The following STON2 variants were observed in gnomAD, a reference collection of about 807,000 sequenced individuals.
STON2 encodes stonin-2.
Under a neutral mutation model 65.7 loss-of-function variants are expected in STON2, and 29 were observed. The ratio of observed to expected loss-of-function variants is 0.44; its 90% CI spans 0.33 to 0.60. STON2 has a LOEUF of 0.60. Ranked by LOEUF, STON2 falls within the 20% of genes least tolerant of loss-of-function variation. The pLI is 0.03. For synonymous variants in STON2, 404 were observed against 414.2 expected (o/e 0.98, Z 0.30); for missense variants, 1,054 against 1,118.1 (o/e 0.94, Z 0.82).
intron 5 of STON2, among the ~76,000 whole-genome samples, chr14:81,322,423 T>C (rs1009077533): frequency 6.6e-6 from 1 of 152,228 alleles, no homozygotes; most frequent in African/African-American, 2.4e-5. Flanking sequence ...TCATGGTTCC[T>C]ACCCCCACTT....
At position 81,412,911 on chromosome 14, in the gene STON2, G is replaced by A. The variant is rs748087195; in HGVS notation, c.-199+14191C>T. The A allele has an allele frequency of 6.9e-5, 45 of 651,798 alleles. 5 individuals carry two copies. The highest frequency in any genetic ancestry group is 1.0e-4 in the Non-Finnish European group (40 of 385,294). The allele number at this position is 651,798 out of a possible 1,614,324, so 40.4% of individuals were successfully genotyped here. On this transcript the variant is annotated intron_variant, in intron 2 of 8. Transcript: ENST00000553821. ...GCGATGGCAGCTCCAGCCGGGCGAT[G>A]CTTAGCACCTCCCCAGGAGACCGTT... is the stretch of plus-strand genomic sequence containing the variant.
chr14:81,278,678 G>A lies in STON2; in HGVS notation c.804C>T (p.Ala268=). The A allele has an allele frequency of 6.5e-7, 1 of 1,527,038 alleles. No homozygotes were observed. The highest frequency in any genetic ancestry group is 2.3e-5 in the East Asian group (1 of 44,106). The allele number at this position is 1,527,038 out of a possible 1,614,324, so 94.6% of individuals were successfully genotyped here. ...GGTGCCCATTCATGGCTGGACTGCT[G>A]GCCTGCCAGCTGATGGCCTCCATCT... ...EVEMEAISWQ[A]SSPAMNGHPA... is the part of the protein sequence containing the mutation. Residue 268 remains alanine (A), a synonymous_variant, in exon 6 of 8, where the codon GCC becomes GCT. Coordinates refer to ENST00000614646, the MANE Select transcript of STON2 (RefSeq NM_001394390.1).
chr14:81,333,392 G>T, intron 4 of STON2: 4 of 427,180 alleles, frequency 9.4e-6, no homozygotes, highest in East Asian at 8.4e-5. Flanking sequence ...CAGCCAGGGA[G>T]GCTATTCTAA....
At chr14:81,300,407 C>A (rs1895927293) in intron 5 of STON2, among the ~76,000 whole-genome samples, 1 of 152,004 alleles carries the variant, frequency 6.6e-6, no homozygotes, top group Non-Finnish European at 1.5e-5. Context: ...ACAAGAGGCG[C>A]TAACCATAAA....
In STON2 at chr14:81,427,213, C is replaced by T. The variant is rs1902021943; in HGVS notation, c.-309-1G>A. 1 of 152,220 alleles carries T rather than the reference C, an allele frequency of 6.6e-6. No individual in the cohort carries two copies. Among genetic ancestry groups the T allele is most frequent in the South Asian group, 2.1e-4 (1 of 4,830 alleles). The allele number at this position is 152,220 out of a possible 1,614,324, so 9.4% of individuals were successfully genotyped here. A position where few individuals can be genotyped will look rare whatever the true frequency, so the allele number is the denominator to read the frequency against. Reference sequence around the variant, plus strand: ...CTTTTTTGCCTCGTGAGTTGTTTTCCTATGAGTAGAAACATACATGCATAA... The same window carrying T: ...CTTTTTTGCCTCGTGAGTTGTTTTCTTATGAGTAGAAACATACATGCATAA... On this transcript the variant is annotated splice_acceptor_variant, in intron 1 of 8. Coordinates refer to the STON2 transcript ENST00000553821. LOFTEE classifies it low-confidence loss of function (5UTR_SPLICE).
intron 3 of STON2, among the ~76,000 whole-genome samples, chr14:81,393,065 G>C (rs1330667818): frequency 6.6e-6 from 1 of 152,182 alleles, no homozygotes; most frequent in African/African-American, 2.4e-5. Flanking sequence ...CTGCCTTAAA[G>C]GGTAAAGCTT....
intron 4 of STON2, among the ~76,000 whole-genome samples, chr14:81,325,969 T>C (rs1896991408): frequency 6.6e-6 from 1 of 151,962 alleles, no homozygotes; most frequent in African/African-American, 2.4e-5. Flanking sequence ...AACGAATTTC[T>C]TCCCTCTTCC....
intron 4 of STON2, among the ~76,000 whole-genome samples, chr14:81,347,328 A>T (rs149740373): frequency 2.0e-5 from 3 of 152,244 alleles, no homozygotes; most frequent in Non-Finnish European, 2.9e-5. Context: ...ATCTAGAGGA[A>T]ATACATAAAT....
chr14:81,329,667 G>A (rs146210974), intron 4 of STON2, among the ~76,000 whole-genome samples: 120 of 152,244 alleles, frequency 7.9e-4, no homozygotes, highest in African/African-American at 2.8e-3. Flanking sequence ...CCAGTTTGCG[G>A]TAATTTGTGA....
At chr14:81,311,036 A>G (rs972433342) in intron 5 of STON2, among the ~76,000 whole-genome samples, 1 of 152,196 alleles carries the variant, frequency 6.6e-6, no homozygotes, top group African/African-American at 2.4e-5. Context: ...TGCACAGGGT[A>G]GGTTTGAGCT....
At chr14:81,337,741 T>C (rs1044057796) in intron 4 of STON2, among the ~76,000 whole-genome samples, 4 of 152,096 alleles carry the variant, frequency 2.6e-5, no homozygotes, top group African/African-American at 4.8e-5. Context: ...GCTGCTGAGA[T>C]AGCAAGGAGG....
intron 4 of STON2, among the ~76,000 whole-genome samples, chr14:81,334,687 G>C (rs1436900535): frequency 6.6e-6 from 1 of 152,056 alleles, no homozygotes; most frequent in South Asian, 2.1e-4. Context: ...AAGTGAAGCT[G>C]AGCAGAAAAC....
At chr14:81,376,089 G>C (rs1401087380) in intron 3 of STON2, among the ~76,000 whole-genome samples, 4 of 151,570 alleles carry the variant, frequency 2.6e-5, no homozygotes, top group Non-Finnish European at 5.9e-5. Flanking sequence ...GCTTATATTA[G>C]AAGACAAATG....
chr14:81,270,850 G>C lies in STON2; in HGVS notation c.2604C>G (p.Phe868Leu), dbSNP rs1894554809. 2.5e-6 allele frequency: 4 copies of C among 1,613,182 alleles called. No homozygotes were observed. Among genetic ancestry groups the C allele is most frequent in the Non-Finnish European group, 3.4e-6 (4 of 1,180,036 alleles). The change falls in exon 7 of 8, where the codon TTC becomes TTG. Residue 868 changes from phenylalanine to leucine, a missense_variant. By Grantham distance (22) the Phe-to-Leu change is conservative. Coordinates refer to ENST00000614646, the MANE Select transcript of STON2 (RefSeq NM_001394390.1). Reference sequence around the variant, plus strand: ...CAGAGCCGAGTTCAAGGTGGCAAAAGAAACAGTGTGGGTGACCGGAAGCTA... The same window carrying C: ...CAGAGCCGAGTTCAAGGTGGCAAAACAAACAGTGTGGGTGACCGGAAGCTA... The part of the protein sequence containing the change: ...KNSASGHPHC[F>L]FCHLELGSDR...
chr14:81,385,656 C>T (rs1417810749), intron 3 of STON2, among the ~76,000 whole-genome samples: 1 of 152,202 alleles, frequency 6.6e-6, no homozygotes, highest in African/African-American at 2.4e-5. Flanking sequence ...ATTAGCCCCA[C>T]AAATGGGAGT....
intron 3 of STON2, among the ~76,000 whole-genome samples, chr14:81,392,784 A>C (rs572900666): frequency 6.6e-6 from 1 of 152,320 alleles, no homozygotes; most frequent in Admixed American, 6.5e-5. Context: ...GAATGTTAAA[A>C]AGACATACTC....
rs1323764652 is a variant in STON2, at chr14:81,261,342, G to A, written c.*7072C>T. On this transcript the variant is annotated 3_prime_UTR_variant, in exon 8 of 8. Transcript: ENST00000614646. The stretch of plus-strand genomic sequence containing the variant: ...GGGTTTGATCTGTGGGGTAACACGA[G>A]CAAGCAGGAAGAGGATGCTGGAATT... 1 of 152,598 alleles carries A rather than the reference G, an allele frequency of 6.6e-6. No homozygotes were observed. The highest frequency in any genetic ancestry group is 1.5e-5 in the Non-Finnish European group (1 of 68,370). The allele number at this position is 152,598 out of a possible 1,614,324, so 9.5% of individuals were successfully genotyped here.
intron 5 of STON2, among the ~76,000 whole-genome samples, chr14:81,313,813 AC>A (rs1332906429): frequency 1.2e-4 from 2 of 16,806 alleles, no homozygotes; most frequent in Non-Finnish European, 3.2e-4. Context: ...AAAAAAATAC[AC>A]ACACACACAC....
intron 4 of STON2, among the ~76,000 whole-genome samples, chr14:81,329,292 A>G (rs1160285126): frequency 6.6e-6 from 1 of 152,066 alleles, no homozygotes; most frequent in Non-Finnish European, 1.5e-5. Context: ...TCTCTACTAA[A>G]AACACAAAAG....
Sources: gnomAD v4.1 joint callset for allele counts (sites outside exome capture counted in the v4.1 genomes callset) on GRCh38, gnomAD v4.1.1 for gene constraint, MANE v1.5 for transcripts, NCBI Gene and HGNC (gene_info 2026-07-23, HGNC 2026-07-21) for gene names.